The following PITPNM2 variants were observed in gnomAD, a reference collection of about 807,000 sequenced individuals.
The protein encoded by PITPNM2 is phosphatidylinositol transfer protein membrane associated 2, also known as membrane-associated phosphatidylinositol transfer protein 2.
A neutral mutation model predicts 132.2 loss-of-function variants in PITPNM2; 35 were observed. The ratio of observed to expected loss-of-function variants is 0.26; its 90% CI spans 0.20 to 0.35. The LOEUF is 0.35. PITPNM2 is among the 10% of genes least tolerant of loss of function. PITPNM2 has a pLI of 1.00. For missense variants in PITPNM2, 1,332 were observed against 1,912.0 expected (o/e 0.70, Z 5.66); for synonymous variants, 738 against 799.2 (o/e 0.92, Z 1.29).
At chr12:123,138,548 T>C (rs1053981384) in intron 1 of PITPNM2, among the ~76,000 whole-genome samples, 1 of 152,354 alleles carries the variant, frequency 6.6e-6, no homozygotes, top group Non-Finnish European at 1.5e-5. Flanking sequence ...TTGAAAACAC[T>C]ATGTTATGTG....
intron 1 of PITPNM2, among the ~76,000 whole-genome samples, chr12:123,139,228 C>T (rs1234986500): frequency 2.6e-5 from 4 of 152,080 alleles, no homozygotes; most frequent in Non-Finnish European, 2.9e-5. Context: ...TGGCCAGGCA[C>T]GGTGGCTCAC....
In PITPNM2 at chr12:122,992,688, G is replaced by A. The variant is rs771461833; in HGVS notation, c.2234-19C>T. The A allele has an allele frequency of 1.1e-5, 17 of 1,541,930 alleles. No individual in the cohort carries two copies. In the Admixed American group the frequency reaches 3.0e-4, roughly 27 times the overall value. ...TGGAAAACTGGGGGTGGGGGTGTTG[G>A]CTGCAGAGCTGGGGCTGGCCCTGAG... On this transcript the variant is annotated intron_variant, in intron 15 of 25. Transcript: ENST00000320201. This position sits in a 1 kb window ranked among gnomAD's most constrained non-coding sequence, Gnocchi z 6.5.
chr12:123,147,994 T>C (rs1190033072), intron 1 of PITPNM2, among the ~76,000 whole-genome samples: 1 of 152,198 alleles, frequency 6.6e-6, no homozygotes, highest in African/African-American at 2.4e-5. Context: ...AAAGTTTGCC[T>C]GGCCCTAAAT....
At chr12:122,999,944 G>A (rs769336289) in intron 10 of PITPNM2, among the ~76,000 whole-genome samples, 20 of 152,182 alleles carry the variant, frequency 1.3e-4, no homozygotes, top group African/African-American at 2.4e-4. Context: ...AAAGGGATCC[G>A]TTTGCTTATC....
intron 17 of PITPNM2, 100 bp from the exon 18 acceptor site, chr12:122,990,048 G>A: frequency 4.8e-6 from 5 of 1,036,502 alleles, no homozygotes; most frequent in Non-Finnish European, 6.4e-6. Flanking sequence ...GCCAGGCCTG[G>A]AGCTATCAAG....
chr12:122,997,685 C>T (rs1454449139), intron 10 of PITPNM2, 113 bp from the exon 11 acceptor site: 12 of 1,424,602 alleles, frequency 8.4e-6, no homozygotes, highest in Non-Finnish European at 9.5e-6. Flanking sequence ...ACTGCTCCCT[C>T]TGAGAACCCC....
intron 2 of PITPNM2, among the ~76,000 whole-genome samples, chr12:123,103,998 G>A (rs1250987205): frequency 1.3e-5 from 2 of 152,180 alleles, no homozygotes; most frequent in Middle Eastern, 3.4e-3. Flanking sequence ...CGCAACCTCC[G>A]CCTCCGGGTT....
In PITPNM2 at chr12:123,000,975, A is replaced by G; in HGVS notation, c.1153+79T>C. On this transcript the variant is annotated intron_variant, in intron 9 of 25. Coordinates refer to ENST00000320201, the MANE Select transcript of PITPNM2 (RefSeq NM_020845.3). The surrounding 1 kb of genome is among the most constrained non-coding windows in gnomAD (Gnocchi z 5.4). The stretch of plus-strand genomic sequence containing the variant: ...CTCACATGTATGCCCAGCACTGTGC[A>G]GAAGCTGGTCAGAAAGGAGGGGGCT... The G allele has an allele frequency of 6.5e-7, 1 of 1,528,256 alleles. No individual in the cohort carries two copies. The highest frequency in any genetic ancestry group is 2.2e-5 in the East Asian group (1 of 44,480). The allele number at this position is 1,528,256 out of a possible 1,614,324, so 94.7% of individuals were successfully genotyped here. A position where few individuals can be genotyped will look rare whatever the true frequency, so the allele number is the denominator to read the frequency against.
At position 123,001,529 on chromosome 12, in the gene PITPNM2, A is replaced by G. The variant is rs372319457; in HGVS notation, c.1049-371T>C. ...ATTTTCTGTCTCTACAGATTTGTCT[A>G]TTATGGACATTTCCTATAAATGGAA... is the stretch of plus-strand genomic sequence containing the variant. On this transcript the variant is annotated intron_variant, in intron 8 of 25. Transcript: ENST00000320201. Among the ~76,000 whole-genome samples, 6 of 152,182 alleles carry G rather than the reference A, an allele frequency of 3.9e-5. 1 individual carries two copies. The East Asian group carries it at 7.7e-4, about 20-fold the overall frequency.
Position 122,994,510 on chromosome 12 carries a change from T to C in PITPNM2, c.2233+291A>G, listed in dbSNP as rs1368614992. Among the ~76,000 whole-genome samples the C allele has an allele frequency of 6.6e-6, 1 of 152,204 alleles. No homozygotes were observed. Among genetic ancestry groups the C allele is most frequent in the African/African-American group, 2.4e-5 (1 of 41,450 alleles). On this transcript the variant is annotated intron_variant, in intron 15 of 25. Coordinates refer to ENST00000320201, the MANE Select transcript of PITPNM2 (RefSeq NM_020845.3). The surrounding 1 kb of genome is among the most constrained non-coding windows in gnomAD (Gnocchi z 5.4). Reference sequence around the variant, plus strand: ...GAGGCTGGGTCTGTCTCCATCTGACTCTGGGGTGGTGCCTTCTCTCCCTGG... The same window carrying C: ...GAGGCTGGGTCTGTCTCCATCTGACCCTGGGGTGGTGCCTTCTCTCCCTGG...
chr12:123,060,885 A>G (rs987908815), intron 2 of PITPNM2, among the ~76,000 whole-genome samples: 6 of 152,276 alleles, frequency 3.9e-5, no homozygotes, highest in Admixed American at 6.5e-5. Context: ...CATTGGGTAG[A>G]TGGAAAAATT....
intron 3 of PITPNM2, among the ~76,000 whole-genome samples, chr12:123,026,820 C>T (rs986822586): frequency 6.6e-6 from 1 of 152,236 alleles, no homozygotes; most frequent in Non-Finnish European, 1.5e-5. Context: ...TTGGCCCATG[C>T]TGTATCTCTC....
chr12:123,000,277 G>C lies in PITPNM2; in HGVS notation c.1224+501C>G. The C allele has an allele frequency of 1.6e-6, 1 of 622,300 alleles. No individual in the cohort carries two copies. The highest frequency in any genetic ancestry group is 1.8e-5 in the South Asian group (1 of 54,782). 38.5% of individuals were successfully genotyped at this position (622,300 alleles called of 1,614,324 possible). ...GGAGGATGGGGCATGAACTCCCACA[G>C]AGAACCCCCGAAGCGGATACAGGCG... On this transcript the variant is annotated intron_variant, in intron 10 of 25. Coordinates refer to ENST00000320201, the MANE Select transcript of PITPNM2 (RefSeq NM_020845.3). This position sits in a 1 kb window ranked among gnomAD's most constrained non-coding sequence, Gnocchi z 5.4.
intron 2 of PITPNM2, chr12:123,089,652 T>A (rs1462776343): frequency 6.6e-6 from 1 of 152,194 alleles, no homozygotes; most frequent in Non-Finnish European, 1.5e-5. Context: ...CATCCCCAAC[T>A]ATCACTACTC....
chr12:123,112,981 C>A (rs1335323863), intron 1 of PITPNM2, among the ~76,000 whole-genome samples: 1 of 152,212 alleles, frequency 6.6e-6, no homozygotes, highest in Non-Finnish European at 1.5e-5. Context: ...CTGTTTCAGT[C>A]CAAGAAAGTG....
At chr12:122,988,011 C>T (rs1480278959) in intron 20 of PITPNM2, 110 bp from the exon 21 acceptor site, 2 of 1,037,554 alleles carry the variant, frequency 1.9e-6, no homozygotes, top group Admixed American at 4.3e-5. Context: ...GTGAGCTGCG[C>T]AGCCCATGTC....
At chr12:123,012,466 C>T (rs938258326) in intron 5 of PITPNM2, 147 bp downstream of exon 5, 2 of 1,060,288 alleles carry the variant, frequency 1.9e-6, no homozygotes, top group East Asian at 2.4e-5. Context: ...CCCATGGGCC[C>T]CATGCTTGCT....
In PITPNM2 at chr12:122,988,887, C is replaced by T. The variant is rs752605954; in HGVS notation, c.2732-15G>A. The T allele has an allele frequency of 4.5e-6, 7 of 1,550,102 alleles. No homozygotes were observed. The highest frequency in any genetic ancestry group is 6.1e-6 in the Non-Finnish European group (7 of 1,145,788). On this transcript the variant is annotated splice_polypyrimidine_tract_variant and intron_variant, in intron 18 of 25. Transcript: ENST00000320201. ...CTTTGCAGCGACTGCCAGGAGGGGC[C>T]GTGACTGGGCTGGGGCTGTATAGCC...
At chr12:123,073,727 G>C (rs1321284729) in intron 2 of PITPNM2, among the ~76,000 whole-genome samples, 1 of 152,242 alleles carries the variant, frequency 6.6e-6, no homozygotes, top group Non-Finnish European at 1.5e-5. Context: ...ATCAGGATCA[G>C]AGTGACCCGG....
Sources: allele counts gnomAD v4.1 joint callset (sites outside exome capture counted in the v4.1 genomes callset), GRCh38; gene constraint gnomAD v4.1.1; non-coding constraint Gnocchi (gnomAD v3.1); transcripts MANE v1.5; gene names NCBI Gene and HGNC (gene_info 2026-07-23, HGNC 2026-07-21).